SUV39H2: variants seen among roughly 807,000 people sequenced by gnomAD.
The protein encoded by SUV39H2 is histone-lysine N-methyltransferase SUV39H2.
In SUV39H2, 10 loss-of-function variants were observed where a neutral mutation model predicts 47.5. The observed-to-expected ratio is 0.21, with a 90% confidence interval of 0.13 to 0.36. The LOEUF is 0.36. Ranked by LOEUF, SUV39H2 falls within the 10% of genes least tolerant of loss-of-function variation. The probability of loss-of-function intolerance (pLI) is 1.00; values close to 1 mark genes in which losing one functional copy is unlikely to be tolerated. For synonymous variants in SUV39H2, 159 were observed against 166.8 expected, an observed-to-expected ratio of 0.95 and a Z score of 0.36; for missense variants, 266 against 487.4, an observed-to-expected ratio of 0.55 and a Z score of 4.28.
Position 14,902,394 on chromosome 10 carries a change from C to T in SUV39H2, c.1127-12C>T. ...CTCTCTTTCTCCTATATTTCTTTTT[C>T]TGTGTCTTCAGGTTCTGGAGATATA... On this transcript the variant is annotated splice_polypyrimidine_tract_variant and intron_variant, in intron 5 of 5. Transcript: ENST00000354919. 1.3e-6 allele frequency: 2 copies of T among 1,559,846 alleles called. No homozygotes were observed. The highest frequency in any genetic ancestry group is 1.9e-5 in the Admixed American group (1 of 52,788).
At chr10:14,887,585 T>C (rs1221909948) in intron 2 of SUV39H2, among the ~76,000 whole-genome samples, 1 of 152,140 alleles carries the variant, frequency 6.6e-6, no homozygotes, top group Non-Finnish European at 1.5e-5. Flanking sequence ...CCTAAAGTAA[T>C]TGGCAAAAAG....
chr10:14,900,512 T>A (rs1833929969), intron 4 of SUV39H2, among the ~76,000 whole-genome samples: 1 of 152,154 alleles, frequency 6.6e-6, no homozygotes, highest in African/African-American at 2.4e-5. Context: ...CATTGAAGAA[T>A]TTTTTTCTTA....
At chr10:14,885,281 A>T (rs1007575966) in intron 2 of SUV39H2, among the ~76,000 whole-genome samples, 2 of 152,138 alleles carry the variant, frequency 1.3e-5, no homozygotes, top group Non-Finnish European at 2.9e-5. Context: ...CCTCCTTCAT[A>T]CCTGGATTTT....
intron 2 of SUV39H2, among the ~76,000 whole-genome samples, chr10:14,889,426 CAG>C (rs1833317064): frequency 6.6e-6 from 1 of 152,254 alleles, no homozygotes; most frequent in Admixed American, 6.5e-5. Context: ...GTTTATATCT[CAG>C]AGGAGGTTTA....
chr10:14,900,867 G>C (rs570624867), intron 4 of SUV39H2, among the ~76,000 whole-genome samples: 1 of 152,302 alleles, frequency 6.6e-6, no homozygotes, highest in African/African-American at 2.4e-5. Context: ...AGAGGAATAA[G>C]ATTGGCAAGC....
rs1188226667 is a variant in SUV39H2 at position 14,903,676 on chromosome 10, G to C, written c.*1164G>C. ...ATATTAGTTTTCAAGGGAGTGGGAG[G>C]CTTCCAACATAGTATTGAATCTCAG... is the stretch of plus-strand genomic sequence containing the variant. On this transcript the variant is annotated 3_prime_UTR_variant, in exon 6 of 6. Transcript: ENST00000354919. 1 of 152,158 alleles carries C rather than the reference G, an allele frequency of 6.6e-6. No individual in the cohort carries two copies. The highest frequency in any genetic ancestry group is 2.4e-5 in the African/African-American group (1 of 41,436). The allele number at this position is 152,158 out of a possible 1,614,324, so 9.4% of individuals were successfully genotyped here. A position where few individuals can be genotyped will look rare whatever the true frequency, so the allele number is the denominator to read the frequency against.
rs578036771 is a variant in SUV39H2, at chr10:14,903,913, T to A, written c.*1401T>A. The A allele has an allele frequency of 6.6e-6, 1 of 152,268 alleles. No individual in the cohort carries two copies. The highest frequency in any genetic ancestry group is 2.1e-4 in the South Asian group (1 of 4,826). The allele number at this position is 152,268 out of a possible 1,614,324, so 9.4% of individuals were successfully genotyped here. On this transcript the variant is annotated 3_prime_UTR_variant, in exon 6 of 6. Transcript: ENST00000354919. ...GCTCTTTCTTGGGAGAAGCTAGACT[T>A]TATTCATTATATTGCTATGACAACT... is the stretch of plus-strand genomic sequence containing the variant.
At chr10:14,891,878 C>T (rs1427188552) in intron 2 of SUV39H2, among the ~76,000 whole-genome samples, 2 of 152,142 alleles carry the variant, frequency 1.3e-5, no homozygotes, top group East Asian at 3.8e-4. Context: ...AGTTAAAACT[C>T]TGGGGTGATG....
At chr10:14,895,914 GTT>G (rs577176593) in intron 2 of SUV39H2, among the ~76,000 whole-genome samples, 1 of 137,402 alleles carries the variant, frequency 7.3e-6, no homozygotes, top group African/African-American at 2.7e-5. Context: ...TTCAGTGTGG[GTT>G]TTTTTTTTTT....
intron 2 of SUV39H2, among the ~76,000 whole-genome samples, chr10:14,881,902 T>C (rs2131668923): frequency 6.6e-6 from 1 of 152,336 alleles, no homozygotes; most frequent in Non-Finnish European, 1.5e-5. Context: ...TCCGTGTGGG[T>C]TACCAGAGCA....
rs2131667770 is a variant in SUV39H2, at chr10:14,881,158, C to A, written c.32-342C>A. 1.3e-5 allele frequency among the ~76,000 whole-genome samples: 2 copies of A among 152,154 alleles called. 1 individual carries two copies. Among genetic ancestry groups the A allele is most frequent in the Middle Eastern group, 6.8e-3 (2 of 294 alleles). ...TAGTGATTGTAGTCTATGTAGAATA[C>A]AATGAAAGTGAAAAACATTATCTCT... On this transcript the variant is annotated intron_variant, in intron 1 of 5. Transcript: ENST00000354919.
chr10:14,896,891 A>G lies in SUV39H2; in HGVS notation c.223A>G (p.Thr75Ala), dbSNP rs748413138. The change falls in exon 3 of 6, where the codon ACA becomes GCA. Residue 75 changes from threonine (T) to alanine (A), a missense_variant. Coordinates refer to ENST00000354919, the MANE Select transcript of SUV39H2 (RefSeq NM_001193424.2). ...LVKWKGWPDS[T>A]NTWEPLQNLK... ...AAAATGGAAAGGATGGCCAGATTCT[A>G]CAAATACTTGGGAACCTTTGCAAAA... 2 of 1,607,378 alleles carry G rather than the reference A, an allele frequency of 1.2e-6. No homozygotes were observed. Among genetic ancestry groups the G allele is most frequent in the Non-Finnish European group, 1.7e-6 (2 of 1,175,892 alleles).
intron 2 of SUV39H2, among the ~76,000 whole-genome samples, chr10:14,889,332 TACTG>T (rs1313208572): frequency 6.6e-6 from 1 of 152,228 alleles, no homozygotes; most frequent in East Asian, 1.9e-4. Flanking sequence ...AAAGGTCAGA[TACTG>T]ACATCTACCC....
rs1834132481 is a variant in SUV39H2 at position 14,903,116 on chromosome 10, C to G, written c.*604C>G. On this transcript the variant is annotated 3_prime_UTR_variant, in exon 6 of 6. Transcript: ENST00000354919. ...TTCAGCTTCATTTCGTATTTCGAAGCAATCTAGACTGTTGTGATGAGTGTA... is the reference window on the plus strand; with the variant it reads ...TTCAGCTTCATTTCGTATTTCGAAGGAATCTAGACTGTTGTGATGAGTGTA... 6.6e-6 allele frequency: 1 copy of G among 152,208 alleles called. No homozygotes were observed. 9.4% of individuals were successfully genotyped at this position (152,208 alleles called of 1,614,324 possible).
intron 2 of SUV39H2, among the ~76,000 whole-genome samples, chr10:14,885,580 T>C (rs1833182167): frequency 6.6e-6 from 1 of 152,226 alleles, no homozygotes; most frequent in Non-Finnish European, 1.5e-5. Flanking sequence ...TTTTGCTGTT[T>C]AGTTTCTTCT....
At chr10:14,898,433 A>C (rs983560227) in intron 3 of SUV39H2, 1 of 151,084 alleles carries the variant, frequency 6.6e-6, no homozygotes, top group African/African-American at 2.4e-5. Flanking sequence ...GGAGTTGTCA[A>C]CTCTGGATTT....
At chr10:14,888,842 C>A (rs1336014199) in intron 2 of SUV39H2, among the ~76,000 whole-genome samples, 2 of 152,078 alleles carry the variant, frequency 1.3e-5, no homozygotes, top group Non-Finnish European at 2.9e-5. Context: ...CAGTGGCTCA[C>A]GCCTGTAATC....
At chr10:14,881,106 G>A (rs899900385) in intron 1 of SUV39H2, among the ~76,000 whole-genome samples, 6 of 152,148 alleles carry the variant, frequency 3.9e-5, no homozygotes, top group East Asian at 1.9e-4. Context: ...AAGAATAAGT[G>A]TCCTAGAGAT....
chr10:14,901,543 G>GTTTTTTTTTTTT (rs746052665), intron 5 of SUV39H2, among the ~76,000 whole-genome samples: 1 of 146,390 alleles, frequency 6.8e-6, no homozygotes. Context: ...TGTACTACTT[G>GTTTTTTTTTTTT]TCTTTTTTTT....
Sources: gnomAD v4.1 joint callset for allele counts (sites outside exome capture counted in the v4.1 genomes callset) on GRCh38, gnomAD v4.1.1 for gene constraint, MANE v1.5 for transcripts, NCBI Gene and HGNC (gene_info 2026-07-23, HGNC 2026-07-21) for gene names.